MTSS1: variants seen among roughly 807,000 people sequenced by gnomAD.
The protein encoded by MTSS1 is protein MTSS 1.
Under a neutral mutation model 79.0 loss-of-function variants are expected in MTSS1, and 18 were observed. The observed-to-expected ratio is 0.23, with a 90% CI of 0.16 to 0.34. The LOEUF (loss-of-function observed/expected upper bound fraction) is 0.34. MTSS1 is among the 10% of genes least tolerant of loss of function. The pLI, the probability that MTSS1 is intolerant of heterozygous loss-of-function variation, is 1.00. For missense variants in MTSS1, 815 were observed against 986.2 expected, an observed-to-expected ratio of 0.83 and a Z score of 2.33; for synonymous variants, 341 against 368.6, an observed-to-expected ratio of 0.93 and a Z score of 0.86.
At chr8:124,568,246 T>C in intron 7 of MTSS1, 133 bp downstream of exon 7, 1 of 1,033,496 alleles carries the variant, frequency 9.7e-7, no homozygotes, top group Non-Finnish European at 1.4e-6. Flanking sequence ...GAATCGCTGG[T>C]CTGTACAGGA....
intron 6 of MTSS1, among the ~76,000 whole-genome samples, chr8:124,570,226 C>T (rs1482751627): frequency 6.6e-6 from 1 of 152,162 alleles, no homozygotes; most frequent in Non-Finnish European, 1.5e-5. Flanking sequence ...AAAGATCACC[C>T]TTGAAAATGC....
intron 10 of MTSS1, among the ~76,000 whole-genome samples, chr8:124,561,206 CG>C (rs1482057709): frequency 6.6e-6 from 1 of 152,154 alleles, no homozygotes; most frequent in Non-Finnish European, 1.5e-5. Context: ...CCGAGGTGGG[CG>C]GATCACCTGA....
At chr8:124,631,702 G>A (rs1174507220) in intron 3 of MTSS1, among the ~76,000 whole-genome samples, 35 of 152,202 alleles carry the variant, frequency 2.3e-4, no homozygotes, top group Admixed American at 2.3e-3. Flanking sequence ...GCCAGCTTCT[G>A]TCTCTCCAAT....
Position 124,556,525 on chromosome 8 carries a change from GGAC to G in MTSS1, c.1231-123_1231-121del. The stretch of plus-strand genomic sequence containing the variant: ...TCCCCTTAAGGGGAACCTCCGGCTG[GGAC>G]AAGCCACAGGCCCTCTGCATGCCCT... On this transcript the variant is annotated intron_variant, in intron 11 of 13. Coordinates refer to ENST00000518547, the MANE Select transcript of MTSS1 (RefSeq NM_014751.6). 3 of 1,160,018 alleles carry G rather than the reference GGAC, an allele frequency of 2.6e-6. No individual in the cohort carries two copies. In the South Asian group the frequency reaches 4.9e-5, roughly 19 times the overall value. The allele number at this position is 1,160,018 out of a possible 1,614,324, so 71.9% of individuals were successfully genotyped here. A position where few individuals can be genotyped will look rare whatever the true frequency, so the allele number is the denominator to read the frequency against.
At chr8:124,663,751 G>A (rs1025152238) in intron 3 of MTSS1, among the ~76,000 whole-genome samples, 5 of 151,984 alleles carry the variant, frequency 3.3e-5, no homozygotes, top group Non-Finnish European at 5.9e-5. Context: ...TTTGTAAATG[G>A]CCTCCTACAG....
chr8:124,639,231 G>A (rs867102384), intron 3 of MTSS1, among the ~76,000 whole-genome samples: 8 of 152,036 alleles, frequency 5.3e-5, no homozygotes, highest in African/African-American at 9.7e-5. Flanking sequence ...TGAGTTACTC[G>A]GGAGGCTGCG....
chr8:124,604,204 C>T (rs977724790), intron 3 of MTSS1, among the ~76,000 whole-genome samples: 7 of 151,900 alleles, frequency 4.6e-5, no homozygotes, highest in African/African-American at 1.7e-4. Context: ...CAGAGTGAGA[C>T]TCCATCTTAA....
intron 3 of MTSS1, among the ~76,000 whole-genome samples, chr8:124,691,102 A>G (rs990216540): frequency 1.3e-5 from 2 of 152,272 alleles, no homozygotes; most frequent in Admixed American, 6.5e-5. Flanking sequence ...TTTTATTCAT[A>G]GCAGACGTAT....
In MTSS1 at chr8:124,599,869, A is replaced by G. The variant is rs563909159; in HGVS notation, c.209-8634T>C. ...TGGCTAATCTAGAGTCTTAGCAGAG[A>G]CTCCTTACTATCGTCTAAATGAGCA... On this transcript the variant is annotated intron_variant, in intron 3 of 13. Coordinates refer to ENST00000518547, the MANE Select transcript of MTSS1 (RefSeq NM_014751.6). Among the ~76,000 whole-genome samples, 105 of 151,980 alleles carry G rather than the reference A, an allele frequency of 6.9e-4. 1 individual carries two copies. Among genetic ancestry groups the G allele is most frequent in the Non-Finnish European group, 1.2e-3 (84 of 68,012 alleles).
intron 3 of MTSS1, among the ~76,000 whole-genome samples, chr8:124,659,188 A>G (rs1313958092): frequency 6.6e-6 from 1 of 152,228 alleles, no homozygotes; most frequent in East Asian, 1.9e-4. Flanking sequence ...TGAATAATGC[A>G]CAATAAAAAG....
chr8:124,675,650 TC>T (rs1825149376), intron 3 of MTSS1, among the ~76,000 whole-genome samples: 1 of 152,168 alleles, frequency 6.6e-6, no homozygotes, highest in East Asian at 1.9e-4. Flanking sequence ...AAGCAGTCAT[TC>T]CCCATTCCCT....
rs191327243 is a variant in MTSS1, at chr8:124,645,898, C to T, written c.208+53628G>A. ...TCTTTCAGGGCACGAAGGTCTCTCA[C>T]CCGATTTCAAAGAAACTATGATATC... On this transcript the variant is annotated intron_variant, in intron 3 of 13. Transcript: ENST00000518547. 8.5e-5 allele frequency among the ~76,000 whole-genome samples: 13 copies of T among 152,280 alleles called. 1 individual carries two copies. The highest frequency in any genetic ancestry group is 7.9e-4 in the Admixed American group (12 of 15,286).
intron 4 of MTSS1, 73 bp downstream of exon 4, chr8:124,591,078 G>A: frequency 8.1e-7 from 1 of 1,229,526 alleles, no homozygotes; most frequent in Non-Finnish European, 1.2e-6. Flanking sequence ...AATGCTGTGT[G>A]CCACACATGA....
intron 3 of MTSS1, chr8:124,673,384 C>CA (rs58244482): frequency 0.097 from 10,548 of 108,622 alleles, 661 homozygotes; most frequent in East Asian, 0.4. Context: ...CTCTGTCTCA[C>CA]AAAAAAAAAA....
intron 1 of MTSS1, among the ~76,000 whole-genome samples, chr8:124,713,673 C>T (rs1291215612): frequency 6.6e-6 from 1 of 152,134 alleles, no homozygotes; most frequent in East Asian, 1.9e-4. Flanking sequence ...ATCTGCCCGC[C>T]TCAGCCTCCC....
chr8:124,666,110 T>C (rs1035521744), intron 3 of MTSS1, among the ~76,000 whole-genome samples: 6 of 152,242 alleles, frequency 3.9e-5, no homozygotes, highest in Non-Finnish European at 8.8e-5. Flanking sequence ...ATAGTCTCAC[T>C]GCATGATAAC....
chr8:124,656,758 A>G (rs1587624889), intron 3 of MTSS1, among the ~76,000 whole-genome samples: 1 of 149,802 alleles, frequency 6.7e-6, no homozygotes, highest in Non-Finnish European at 1.5e-5. Context: ...AGGCTGGGCA[A>G]AAGAGTGAGT....
At position 124,556,296 on chromosome 8, in the gene MTSS1, C is replaced by T; in HGVS notation, c.1340G>A (p.Gly447Asp). The T allele has an allele frequency of 6.2e-7, 1 of 1,614,112 alleles. No homozygotes were observed. Among genetic ancestry groups the T allele is most frequent in the Non-Finnish European group, 8.5e-7 (1 of 1,179,990 alleles). The change falls in exon 12 of 14, where the codon GGC becomes GAC. Residue 447 changes from glycine to aspartate, a missense_variant. By Grantham distance (94) the Gly-to-Asp change is moderately conservative. This residue lies in a region of MTSS1 where 590 missense variants were observed against 620.8 expected (regional missense o/e 0.95). Transcript: ENST00000518547. ...AGCCTCCTCAGCTGCTGCAGGTGGG[C>T]CGCTGGCGGTAGTGGGTCCTCCCCC... ...PNGGGPTTASGPPAAAEEAQR... is the reference protein window; with the variant it reads ...PNGGGPTTASDPPAAAEEAQR...
At chr8:124,667,791 C>T (rs1402848924) in intron 3 of MTSS1, among the ~76,000 whole-genome samples, 2 of 152,260 alleles carry the variant, frequency 1.3e-5, no homozygotes, top group African/African-American at 2.4e-5. Context: ...TCAAAGTCTC[C>T]AAGCGGCCAG....
Sources: gnomAD v4.1 joint callset for allele counts (sites outside exome capture counted in the v4.1 genomes callset) on GRCh38, gnomAD v4.1.1 for gene constraint, gnomAD v4.1.1 regional missense constraint, MANE v1.5 for transcripts, NCBI Gene and HGNC (gene_info 2026-07-23, HGNC 2026-07-21) for gene names.